Variants in BLTP3A observed in about 807,000 individuals in gnomAD.
BLTP3A encodes the protein ICBP90 binding protein 1.
chr6:34,827,785 C>T, the BLTP3A span, among the ~76,000 whole-genome samples: 2 of 152,202 alleles, frequency 1.3e-5, no homozygotes, highest in East Asian at 3.9e-4. Context: ...GCGCCTGCCA[C>T]CATGCCTGGC....
the BLTP3A span, among the ~76,000 whole-genome samples, chr6:34,824,556 C>T: frequency 1.8e-5 from 2 of 111,886 alleles, no homozygotes; most frequent in Admixed American, 1.7e-4. Context: ...GAAACTCCAT[C>T]TCAAAAAAAA....
At chr6:34,836,142 T>G in the BLTP3A span, 1 of 1,609,312 alleles carries the variant, frequency 6.2e-7, no homozygotes, top group South Asian at 1.1e-5. Flanking sequence ...TGTTTCTCTC[T>G]CTGTCACATG....
At chr6:34,814,360 G>A in the BLTP3A span, among the ~76,000 whole-genome samples, 1 of 152,130 alleles carries the variant, frequency 6.6e-6, no homozygotes, top group South Asian at 2.1e-4. Context: ...GCTCTAAAAT[G>A]CAGGCAAAAT....
At chr6:34,827,274 G>A in the BLTP3A span, among the ~76,000 whole-genome samples, 1 of 151,796 alleles carries the variant, frequency 6.6e-6, no homozygotes, top group Non-Finnish European at 1.5e-5. Flanking sequence ...TCGTGCCACT[G>A]CACTCCAGCC....
the BLTP3A span, among the ~76,000 whole-genome samples, chr6:34,844,421 C>G: frequency 6.6e-6 from 1 of 152,158 alleles, no homozygotes; most frequent in Non-Finnish European, 1.5e-5. Context: ...ATTACAGGCA[C>G]TCGTGACCAT....
the BLTP3A span, chr6:34,858,029 T>C: frequency 6.4e-7 from 1 of 1,557,808 alleles, no homozygotes; most frequent in South Asian, 1.2e-5. Context: ...GAAAATAGTT[T>C]CACAGCCCAA....
chr6:34,862,487 G>GT, the BLTP3A span, among the ~76,000 whole-genome samples: 1 of 152,134 alleles, frequency 6.6e-6, no homozygotes, highest in African/African-American at 2.4e-5. Context: ...TTTCAGGTTT[G>GT]TAACAGTCTG....
At chr6:34,812,069 C>T in the BLTP3A span, among the ~76,000 whole-genome samples, 1 of 151,982 alleles carries the variant, frequency 6.6e-6, no homozygotes, top group Non-Finnish European at 1.5e-5. Flanking sequence ...TGGCTCATGC[C>T]TGTAATTCCA....
At chr6:34,852,485 A>G in the BLTP3A span, among the ~76,000 whole-genome samples, 1 of 151,996 alleles carries the variant, frequency 6.6e-6, no homozygotes, top group Admixed American at 6.5e-5. Context: ...CTGTTCTACC[A>G]TAGTTGAGCT....
chr6:34,853,558 C>A, the BLTP3A span, among the ~76,000 whole-genome samples: 2 of 151,758 alleles, frequency 1.3e-5, no homozygotes, highest in Admixed American at 1.3e-4. Context: ...TCTAAAAATT[C>A]TTTTCTTTTC....
the BLTP3A span, chr6:34,858,122 AG>A: frequency 6.2e-7 from 1 of 1,610,136 alleles, no homozygotes; most frequent in Non-Finnish European, 8.5e-7. Flanking sequence ...TTCTCTGTGA[AG>A]GTGAGCTTTC....
chr6:34,814,260 C>T, the BLTP3A span, among the ~76,000 whole-genome samples: 1 of 152,210 alleles, frequency 6.6e-6, no homozygotes, highest in African/African-American at 2.4e-5. Flanking sequence ...AACAATCCAC[C>T]TGCCTTGGCC....
At chr6:34,859,488 G>T in the BLTP3A span, 2 of 1,614,204 alleles carry the variant, frequency 1.2e-6, no homozygotes, top group Admixed American at 3.3e-5. Flanking sequence ...AGGAAGCTGT[G>T]TCCCTGACTA....
At chr6:34,806,266 A>G in the BLTP3A span, among the ~76,000 whole-genome samples, 1 of 152,230 alleles carries the variant, frequency 6.6e-6, no homozygotes, top group Non-Finnish European at 1.5e-5. Context: ...TAAGGATCTC[A>G]TAGTCCTTAG....
chr6:34,835,803 G>C, the BLTP3A span, among the ~76,000 whole-genome samples: 1 of 152,292 alleles, frequency 6.6e-6, no homozygotes, highest in African/African-American at 2.4e-5. Context: ...TGCCATGAGA[G>C]CACAAAGAAG....
At chr6:34,856,066 T>C in the BLTP3A span, among the ~76,000 whole-genome samples, 1 of 152,282 alleles carries the variant, frequency 6.6e-6, no homozygotes, top group South Asian at 2.1e-4. Context: ...AAATCACATA[T>C]GGAACCCAGA....
chr6:34,867,089 TAGTC>T, the BLTP3A span: 63,894 of 911,844 alleles, frequency 0.07, 5,186 homozygotes, highest in African/African-American at 0.37. Context: ...AATATCTAGT[TAGTC>T]CTCAAATTTC....
the BLTP3A span, among the ~76,000 whole-genome samples, chr6:34,861,528 A>C: frequency 6.6e-6 from 1 of 152,234 alleles, no homozygotes; most frequent in Non-Finnish European, 1.5e-5. Context: ...CACTTGTAAC[A>C]ATCCACAGAT....
the BLTP3A span, among the ~76,000 whole-genome samples, chr6:34,862,221 C>T: frequency 6.6e-6 from 1 of 151,432 alleles, no homozygotes; most frequent in Non-Finnish European, 1.5e-5. Flanking sequence ...ACTAAAAATA[C>T]AAAAAATTAG....
Sources: allele counts gnomAD v4.1 joint callset (sites outside exome capture counted in the v4.1 genomes callset), GRCh38; gene constraint gnomAD v4.1.1; transcripts MANE v1.5; gene names NCBI Gene and HGNC (gene_info 2026-07-23, HGNC 2026-07-21).